Variants in ADAMTSL3 observed in about 807,000 individuals in gnomAD.
ADAMTSL3 encodes ADAMTS like 3.
ADAMTSL3 carries 128 observed loss-of-function variants against 201.7 expected under a neutral mutation model. That is an observed-to-expected ratio of 0.63 (90% CI 0.55 to 0.73). The LOEUF (loss-of-function observed/expected upper bound fraction) is 0.73, where lower values mean the gene tolerates loss of function less well. Ranked by LOEUF, ADAMTSL3 falls within the 30% of genes least tolerant of loss-of-function variation. The probability of loss-of-function intolerance (pLI) is 0.00; values close to 1 mark genes in which losing one functional copy is unlikely to be tolerated. For synonymous variants in ADAMTSL3, 738 were observed against 748.4 expected, an observed-to-expected ratio of 0.99 and a Z score of 0.23; for missense variants, 1,990 against 2,119.6, an observed-to-expected ratio of 0.94 and a Z score of 1.20.
Position 84,038,485 on chromosome 15 carries a change from G to T in ADAMTSL3, c.*679G>T, listed in dbSNP as rs1427761633. The T allele has an allele frequency of 6.6e-6, 1 of 152,570 alleles. No individual in the cohort carries two copies. Among genetic ancestry groups the T allele is most frequent in the Non-Finnish European group, 1.5e-5 (1 of 68,030 alleles). 9.5% of individuals were successfully genotyped at this position (152,570 alleles called of 1,614,324 possible). ...AGAAATTTATCTATGACCTAATGAG[G>T]CATCTCGGAAGTCAAAGAAGAGGGA... On this transcript the variant is annotated 3_prime_UTR_variant, in exon 30 of 30. Transcript: ENST00000286744.
intron 15 of ADAMTSL3, among the ~76,000 whole-genome samples, chr15:83,901,866 G>T (rs554138910): frequency 6.6e-6 from 1 of 152,270 alleles, no homozygotes; most frequent in African/African-American, 2.4e-5. Flanking sequence ...TGTCACAGAA[G>T]GAAGGTCACA....
chr15:83,958,772 A>G (rs1187949079), intron 19 of ADAMTSL3, among the ~76,000 whole-genome samples: 1 of 152,168 alleles, frequency 6.6e-6, no homozygotes, highest in Non-Finnish European at 1.5e-5. Flanking sequence ...AAGAAATGAG[A>G]TGAATAAATA....
At chr15:84,027,969 G>A (rs2068340931) in intron 27 of ADAMTSL3, among the ~76,000 whole-genome samples, 1 of 152,096 alleles carries the variant, frequency 6.6e-6, no homozygotes, top group Admixed American at 6.5e-5. Context: ...AAAACATTAT[G>A]GTAATTGAAG....
rs1196266204 is a variant in ADAMTSL3 at position 83,725,642 on chromosome 15, GT to G, written c.189+21136del. Among the ~76,000 whole-genome samples, 11 of 152,202 alleles carry G rather than the reference GT, an allele frequency of 7.2e-5. 1 individual carries two copies. In the South Asian group the frequency reaches 2.3e-3, roughly 32 times the overall value. ...ACATCCAATATTCCCAGCATCATTTGTTGAAGAGACTCTCCTTTCCCCAGTG... is the reference window on the plus strand; with the variant it reads ...ACATCCAATATTCCCAGCATCATTTGTGAAGAGACTCTCCTTTCCCCAGTG... On this transcript the variant is annotated intron_variant, in intron 3 of 29. Transcript: ENST00000286744.
In ADAMTSL3 at chr15:84,038,041, G is replaced by A. The variant is rs2068542624; in HGVS notation, c.*235G>A. ...AAGGATGAACAAAATACTATAGCAT[G>A]CATGCCACTGCACTTGGGACCTCAT... On this transcript the variant is annotated 3_prime_UTR_variant, in exon 30 of 30. Coordinates refer to ENST00000286744, the MANE Select transcript of ADAMTSL3 (RefSeq NM_207517.3). 1.9e-6 allele frequency: 1 copy of A among 522,628 alleles called. No individual in the cohort carries two copies. 32.4% of individuals were successfully genotyped at this position (522,628 alleles called of 1,614,324 possible). A position where few individuals can be genotyped will look rare whatever the true frequency, so the allele number is the denominator to read the frequency against.
In ADAMTSL3 at chr15:83,756,573, C is replaced by T. The variant is rs149580065; in HGVS notation, c.190-16950C>T. Among the ~76,000 whole-genome samples the T allele has an allele frequency of 9.3e-3, 1,406 of 151,300 alleles. 9 individuals carry two copies. The highest frequency in any genetic ancestry group is 0.016 in the Non-Finnish European group (1,075 of 67,770). Reference sequence around the variant, plus strand: ...GCAATTTGAGATTTGGGTGGGGACACAGCCAAACCATATCATTTCACCCCT... The same window carrying T: ...GCAATTTGAGATTTGGGTGGGGACATAGCCAAACCATATCATTTCACCCCT... On this transcript the variant is annotated intron_variant, in intron 3 of 29. Transcript: ENST00000286744.
At chr15:83,715,559 CTT>C (rs1567094103) in intron 3 of ADAMTSL3, among the ~76,000 whole-genome samples, 1 of 152,210 alleles carries the variant, frequency 6.6e-6, no homozygotes, top group Admixed American at 6.5e-5. Context: ...TTCCACCAGG[CTT>C]TGAGCCCCTA....
At chr15:83,909,329 A>G (rs1346105744) in intron 15 of ADAMTSL3, among the ~76,000 whole-genome samples, 1 of 152,080 alleles carries the variant, frequency 6.6e-6, no homozygotes, top group East Asian at 1.9e-4. Context: ...TTCTGCCTAC[A>G]ATTCTAGGTT....
At chr15:83,735,596 T>C (rs1461454784) in intron 3 of ADAMTSL3, among the ~76,000 whole-genome samples, 1 of 152,078 alleles carries the variant, frequency 6.6e-6, no homozygotes, top group Non-Finnish European at 1.5e-5. Context: ...GGGGGATCAG[T>C]GGGTGATTTT....
chr15:83,983,528 C>T (rs80266338), intron 21 of ADAMTSL3, among the ~76,000 whole-genome samples, 184 bp downstream of exon 21: 105 of 152,114 alleles, frequency 6.9e-4, no homozygotes, highest in Non-Finnish European at 1.2e-3. Flanking sequence ...TAAATTCAAC[C>T]GCCATATCAT....
intron 4 of ADAMTSL3, among the ~76,000 whole-genome samples, chr15:83,781,097 GA>G (rs1008037855): frequency 6.2e-4 from 91 of 147,358 alleles, no homozygotes; most frequent in African/African-American, 2.1e-3. Flanking sequence ...TACAGAACTA[GA>G]AAAAAAAAAC....
intron 2 of ADAMTSL3, among the ~76,000 whole-genome samples, chr15:83,673,887 A>G (rs1469652743): frequency 2.0e-5 from 3 of 152,220 alleles, no homozygotes; most frequent in Non-Finnish European, 4.4e-5. Flanking sequence ...ATCTGTATTC[A>G]GCATTTAGAA....
At position 84,037,891 on chromosome 15, in the gene ADAMTSL3, G is replaced by A. The variant is rs1452414090; in HGVS notation, c.*85G>A. ...CCCCATGTCGCTGATTCAAAAACAT[G>A]TATTTCTTAAAAGACTAGATTCTAT... On this transcript the variant is annotated 3_prime_UTR_variant, in exon 30 of 30. Transcript: ENST00000286744. 2.7e-6 allele frequency: 4 copies of A among 1,499,944 alleles called. No homozygotes were observed. Among genetic ancestry groups the A allele is most frequent in the African/African-American group, 2.8e-5 (2 of 71,200 alleles). 92.9% of individuals were successfully genotyped at this position (1,499,944 alleles called of 1,614,324 possible).
chr15:83,683,739 T>G (rs2061504350), intron 2 of ADAMTSL3, among the ~76,000 whole-genome samples: 1 of 152,170 alleles, frequency 6.6e-6, no homozygotes, highest in Non-Finnish European at 1.5e-5. Context: ...CGGCGCCTCC[T>G]TCACACCCTC....
chr15:83,890,359 T>G, intron 11 of ADAMTSL3, 112 bp downstream of exon 11: 1 of 1,351,708 alleles, frequency 7.4e-7, no homozygotes, highest in Non-Finnish European at 1.0e-6. Flanking sequence ...CTTTGTCTAC[T>G]GGCGGCAGGT....
At chr15:83,894,911 T>G (rs535633183) in intron 13 of ADAMTSL3, among the ~76,000 whole-genome samples, 214 of 152,294 alleles carry the variant, frequency 1.4e-3, no homozygotes, top group Non-Finnish European at 2.5e-3. Context: ...ATCGTGTACA[T>G]GCATTAATAT....
At chr15:83,876,672 C>T (rs2065183764) in intron 9 of ADAMTSL3, among the ~76,000 whole-genome samples, 1 of 152,078 alleles carries the variant, frequency 6.6e-6, no homozygotes, top group Non-Finnish European at 1.5e-5. Flanking sequence ...TGCTCTGTTG[C>T]CCAGGCTGGG....
intron 5 of ADAMTSL3, among the ~76,000 whole-genome samples, chr15:83,812,817 G>C (rs1167532865): frequency 6.6e-6 from 1 of 152,124 alleles, no homozygotes; most frequent in Admixed American, 6.5e-5. Context: ...TGAATGCTAG[G>C]CATTATTCTA....
intron 20 of ADAMTSL3, among the ~76,000 whole-genome samples, chr15:83,979,328 A>G (rs2067344915): frequency 6.6e-6 from 1 of 152,194 alleles, no homozygotes. Context: ...GTGCACATCC[A>G]TCTTTTATAT....
Sources: allele counts gnomAD v4.1 joint callset (sites outside exome capture counted in the v4.1 genomes callset), GRCh38; gene constraint gnomAD v4.1.1; transcripts MANE v1.5; gene names NCBI Gene and HGNC (gene_info 2026-07-23, HGNC 2026-07-21).